Variants in CAMK1D observed in about 807,000 individuals in gnomAD.
CAMK1D encodes calcium/calmodulin-dependent protein kinase type 1D.
In CAMK1D, 9 loss-of-function variants were observed where a neutral mutation model predicts 47.7. The observed-to-expected ratio is 0.19, with a 90% CI of 0.11 to 0.33. CAMK1D has a LOEUF of 0.33. Ranked by LOEUF, CAMK1D falls within the 10% of genes least tolerant of loss-of-function variation. The pLI is 1.00. For synonymous variants in CAMK1D, 184 were observed against 184.9 expected, an observed-to-expected ratio of 0.99 and a Z score of 0.04; for missense variants, 291 against 488.7, an observed-to-expected ratio of 0.60 and a Z score of 3.81.
At chr10:12,386,041 T>A (rs10906141) in intron 1 of CAMK1D, among the ~76,000 whole-genome samples, 1 of 152,154 alleles carries the variant, frequency 6.6e-6, no homozygotes, top group East Asian at 1.9e-4. Context: ...CCACTGTGTC[T>A]GGCCTGAATT....
chr10:12,524,508 C>A (rs1835554817), intron 1 of CAMK1D, among the ~76,000 whole-genome samples: 1 of 151,936 alleles, frequency 6.6e-6, no homozygotes, highest in Non-Finnish European at 1.5e-5. Flanking sequence ...GAGACCGAGA[C>A]CATCCTGGCT....
chr10:12,585,812 T>A (rs886536580), intron 2 of CAMK1D, among the ~76,000 whole-genome samples: 2 of 152,154 alleles, frequency 1.3e-5, no homozygotes, highest in African/African-American at 2.4e-5. Flanking sequence ...ACCACGTCAA[T>A]CACTAAAGCC....
chr10:12,761,173 C>T (rs996092698), intron 4 of CAMK1D, 87 bp downstream of exon 4: 12 of 1,490,164 alleles, frequency 8.1e-6, no homozygotes, highest in Non-Finnish European at 8.2e-6. Flanking sequence ...TGGGGGCATG[C>T]AGCTGCTCTG....
intron 1 of CAMK1D, among the ~76,000 whole-genome samples, chr10:12,437,484 C>T (rs552547111): frequency 1.1e-4 from 16 of 152,280 alleles, no homozygotes; most frequent in African/African-American, 2.6e-4. Flanking sequence ...CGTGAGCTAC[C>T]GCGCCCAGCC....
At chr10:12,751,606 G>A (rs1340528043) in intron 3 of CAMK1D, among the ~76,000 whole-genome samples, 1 of 152,218 alleles carries the variant, frequency 6.6e-6, no homozygotes, top group Non-Finnish European at 1.5e-5. Flanking sequence ...AGTATAACTG[G>A]TGTGTGCTGT....
chr10:12,777,904 A>G (rs983511780), intron 5 of CAMK1D, among the ~76,000 whole-genome samples: 3 of 152,246 alleles, frequency 2.0e-5, no homozygotes, highest in African/African-American at 7.2e-5. Flanking sequence ...GGCAGAGCCC[A>G]GCCCCATTTG....
chr10:12,631,670 C>G (rs1163042095), intron 2 of CAMK1D, among the ~76,000 whole-genome samples: 1 of 149,704 alleles, frequency 6.7e-6, no homozygotes, highest in Non-Finnish European at 1.5e-5. Flanking sequence ...TGAGAGATCA[C>G]TTGTTCCCAC....
chr10:12,642,048 TAAA>T (rs34344996), intron 2 of CAMK1D, among the ~76,000 whole-genome samples: 4 of 133,292 alleles, frequency 3.0e-5, no homozygotes, highest in African/African-American at 5.6e-5. Flanking sequence ...TTTCTCAGAA[TAAA>T]AAAAAAAAAA....
At chr10:12,546,465 A>G (rs546015573) in intron 1 of CAMK1D, among the ~76,000 whole-genome samples, 1 of 152,280 alleles carries the variant, frequency 6.6e-6, no homozygotes, top group Non-Finnish European at 1.5e-5. Flanking sequence ...CACTTTGGTT[A>G]TGGTGCTTTT....
chr10:12,517,065 T>G (rs1274707426), intron 1 of CAMK1D, among the ~76,000 whole-genome samples: 1 of 152,266 alleles, frequency 6.6e-6, no homozygotes, highest in Non-Finnish European at 1.5e-5. Context: ...AATCAATGTT[T>G]TATAGTTTTC....
chr10:12,575,016 C>T (rs1042729876), intron 2 of CAMK1D, among the ~76,000 whole-genome samples: 1 of 152,198 alleles, frequency 6.6e-6, no homozygotes, highest in African/African-American at 2.4e-5. Context: ...ACCTCCAACA[C>T]TGGGGACCAC....
intron 1 of CAMK1D, among the ~76,000 whole-genome samples, chr10:12,367,403 G>A (rs1296637989): frequency 6.6e-6 from 1 of 152,020 alleles, no homozygotes; most frequent in Non-Finnish European, 1.5e-5. Context: ...GGGGTGGGGG[G>A]ATGGTTTCAG....
rs180838930 is a variant in CAMK1D at position 12,366,387 on chromosome 10, G to T, written c.92+16477G>T. On this transcript the variant is annotated intron_variant, in intron 1 of 10. Transcript: ENST00000619168. Reference sequence around the variant, plus strand: ...ATCAGTTGTTGGGCTGGGCTCAGTGGCTCACACCTGTAATCCTAGCACTTT... The same window carrying T: ...ATCAGTTGTTGGGCTGGGCTCAGTGTCTCACACCTGTAATCCTAGCACTTT... Among the ~76,000 whole-genome samples the T allele has an allele frequency of 2.2e-3, 329 of 152,206 alleles. 1 individual carries two copies. The highest frequency in any genetic ancestry group is 7.7e-3 in the African/African-American group (319 of 41,512).
chr10:12,811,128 A>C (rs1832587089), intron 6 of CAMK1D, among the ~76,000 whole-genome samples: 1 of 152,238 alleles, frequency 6.6e-6, no homozygotes, highest in Admixed American at 6.5e-5. Flanking sequence ...GTTATTCTGA[A>C]TCAGGAACTT....
chr10:12,810,789 C>T (rs1319482515), intron 6 of CAMK1D, among the ~76,000 whole-genome samples: 1 of 152,194 alleles, frequency 6.6e-6, no homozygotes, highest in Non-Finnish European at 1.5e-5. Flanking sequence ...GAACACAGGC[C>T]TAAAAATCCG....
At chr10:12,657,176 C>T (rs978448141) in intron 2 of CAMK1D, among the ~76,000 whole-genome samples, 1 of 152,132 alleles carries the variant, frequency 6.6e-6, no homozygotes, top group Admixed American at 6.5e-5. Context: ...CCTGTAATCC[C>T]AGCACTTTGG....
chr10:12,696,002 C>T lies in CAMK1D; in HGVS notation c.299+29192C>T, dbSNP rs982609646. Among the ~76,000 whole-genome samples the T allele has an allele frequency of 5.3e-5, 8 of 152,058 alleles. No individual in the cohort carries two copies. In the East Asian group the frequency reaches 1.2e-3, roughly 22 times the overall value. ...CTGAGGCAGGAGAATCGCTTGAACCCGGGAGGTGGAGGTTGCAGTGAGTTG... is the reference window on the plus strand; with the variant it reads ...CTGAGGCAGGAGAATCGCTTGAACCTGGGAGGTGGAGGTTGCAGTGAGTTG... On this transcript the variant is annotated intron_variant, in intron 3 of 10. Transcript: ENST00000619168.
intron 1 of CAMK1D, among the ~76,000 whole-genome samples, chr10:12,370,589 A>C (rs182847685): frequency 6.6e-6 from 1 of 152,130 alleles, no homozygotes; most frequent in Non-Finnish European, 1.5e-5. Context: ...CCTGTGTTGA[A>C]CTACGCTAAT....
intron 3 of CAMK1D, among the ~76,000 whole-genome samples, chr10:12,680,140 G>A (rs1400207322): frequency 1.3e-5 from 2 of 152,358 alleles, no homozygotes; most frequent in African/African-American, 4.8e-5. Context: ...GGCTAGAGGT[G>A]TAAACTTCCT....
Sources: gnomAD v4.1 joint callset for allele counts (sites outside exome capture counted in the v4.1 genomes callset) on GRCh38, gnomAD v4.1.1 for gene constraint, MANE v1.5 for transcripts, NCBI Gene and HGNC (gene_info 2026-07-23, HGNC 2026-07-21) for gene names.